HCN1: variants seen among roughly 807,000 people sequenced by gnomAD.
HCN1 encodes the protein potassium/sodium hyperpolarization-activated cyclic nucleotide-gated channel 1.
Under a neutral mutation model 78.9 loss-of-function variants are expected in HCN1, and 13 were observed. The ratio of observed to expected loss-of-function variants is 0.16; its 90% CI spans 0.11 to 0.26. The LOEUF (loss-of-function observed/expected upper bound fraction) is 0.26, where lower values mean the gene tolerates loss of function less well. Ranked by LOEUF, HCN1 falls within the 10% of genes least tolerant of loss-of-function variation. HCN1 has a pLI of 1.00. For missense variants in HCN1, 810 were observed against 1,154.3 expected, an observed-to-expected ratio of 0.70 and a Z score of 4.32; for synonymous variants, 552 against 455.5, an observed-to-expected ratio of 1.21 and a Z score of -2.70.
At chr5:45,499,254 GGCCCCTCCAA>G (rs1742134597) in intron 2 of HCN1, among the ~76,000 whole-genome samples, 1 of 152,152 alleles carries the variant, frequency 6.6e-6, no homozygotes, top group Admixed American at 6.5e-5. Context: ...CATGCACGTA[GGCCCCTCCAA>G]GCCACGTGCA....
At chr5:45,358,308 G>T (rs1747043725) in intron 4 of HCN1, among the ~76,000 whole-genome samples, 1 of 152,036 alleles carries the variant, frequency 6.6e-6, no homozygotes, top group Non-Finnish European at 1.5e-5. Flanking sequence ...GCAATCTAAA[G>T]AATTTTAAAT....
intron 1 of HCN1, among the ~76,000 whole-genome samples, chr5:45,682,866 T>C (rs1170363744): frequency 6.6e-6 from 1 of 152,164 alleles, no homozygotes; most frequent in African/African-American, 2.4e-5. Flanking sequence ...TGTGCTATTA[T>C]GAAAAATACC....
At chr5:45,372,884 C>A (rs902876781) in intron 4 of HCN1, among the ~76,000 whole-genome samples, 1 of 141,834 alleles carries the variant, frequency 7.1e-6, no homozygotes, top group African/African-American at 2.5e-5. Context: ...GTATTCTATA[C>A]ACAAAAATAT....
At chr5:45,523,816 T>C (rs908265185) in intron 2 of HCN1, among the ~76,000 whole-genome samples, 1 of 152,184 alleles carries the variant, frequency 6.6e-6, no homozygotes, top group African/African-American at 2.4e-5. Context: ...AGGTTGCCTG[T>C]TCACTCTGAT....
At chr5:45,444,434 A>G (rs1475678130) in intron 3 of HCN1, among the ~76,000 whole-genome samples, 1 of 152,158 alleles carries the variant, frequency 6.6e-6, no homozygotes, top group Non-Finnish European at 1.5e-5. Context: ...TATTTTTAAT[A>G]AAAATATTAT....
chr5:45,285,382 T>C (rs1316366928), intron 6 of HCN1, among the ~76,000 whole-genome samples: 1 of 151,984 alleles, frequency 6.6e-6, no homozygotes, highest in African/African-American at 2.4e-5. Flanking sequence ...TCTGCGGCCT[T>C]TTCTCATTTT....
At chr5:45,484,782 T>C (rs543714473) in intron 2 of HCN1, among the ~76,000 whole-genome samples, 1 of 152,320 alleles carries the variant, frequency 6.6e-6, no homozygotes, top group East Asian at 1.9e-4. Context: ...ATTAAGTTAT[T>C]AATTTTAAAA....
At chr5:45,375,950 A>C (rs1218989823) in intron 4 of HCN1, among the ~76,000 whole-genome samples, 1 of 119,116 alleles carries the variant, frequency 8.4e-6, no homozygotes, top group African/African-American at 3.5e-5. Context: ...TATCACATAT[A>C]TTATATATGA....
rs535738152 is a variant in HCN1, at chr5:45,521,211, G to A, written c.850-59204C>T. Among the ~76,000 whole-genome samples the A allele has an allele frequency of 6.3e-4, 95 of 151,976 alleles. No individual in the cohort carries two copies. The South Asian group carries it at 7.1e-3, about 11-fold the overall frequency. On this transcript the variant is annotated intron_variant, in intron 2 of 7. Coordinates refer to ENST00000303230, the MANE Select transcript of HCN1 (RefSeq NM_021072.4). ...AACCAACCCTCTTTGCAAAGAGGGA[G>A]CCAAGAAAACAAAGGCTCTGAACTC...
chr5:45,590,519 T>C (rs1326777614), intron 2 of HCN1, among the ~76,000 whole-genome samples: 1 of 152,196 alleles, frequency 6.6e-6, no homozygotes, highest in African/African-American at 2.4e-5. Flanking sequence ...CCAAAGTCCA[T>C]GGTTTACATT....
chr5:45,454,856 C>T (rs1335299173), intron 3 of HCN1, among the ~76,000 whole-genome samples: 2 of 152,048 alleles, frequency 1.3e-5, no homozygotes, highest in African/African-American at 4.8e-5. Context: ...GAATAATTCT[C>T]ATTGCTTTTT....
intron 6 of HCN1, among the ~76,000 whole-genome samples, chr5:45,299,630 G>T (rs1349734605): frequency 6.6e-6 from 1 of 151,722 alleles, no homozygotes; most frequent in Non-Finnish European, 1.5e-5. Context: ...TGAACTGAAT[G>T]ATTACTCCTA....
chr5:45,270,585 T>G (rs912816166), intron 6 of HCN1, among the ~76,000 whole-genome samples: 3 of 152,148 alleles, frequency 2.0e-5, no homozygotes, highest in Admixed American at 2.0e-4. Context: ...AAATACAAAT[T>G]CATGCATCAG....
chr5:45,489,484 A>G (rs1389074785), intron 2 of HCN1, among the ~76,000 whole-genome samples: 1 of 152,160 alleles, frequency 6.6e-6, no homozygotes, highest in Admixed American at 6.6e-5. Flanking sequence ...CACAAGAACC[A>G]TGGCTGGAGT....
At chr5:45,649,914 T>C (rs1019393634) in intron 1 of HCN1, among the ~76,000 whole-genome samples, 2 of 152,102 alleles carry the variant, frequency 1.3e-5, no homozygotes, top group Admixed American at 6.6e-5. Context: ...ATTTTACTTA[T>C]TAAGGGTTTT....
rs1580035818 is a variant in HCN1, at chr5:45,667,182, T to G, written c.426-21574A>C. On this transcript the variant is annotated intron_variant, in intron 1 of 7. Transcript: ENST00000303230. ...CACATAGGGACACAGTAAGAATGAT[T>G]GTGGGCATACTTTCAACTATCAGGA... Among the ~76,000 whole-genome samples the G allele has an allele frequency of 2.0e-5, 3 of 151,996 alleles. No individual in the cohort carries two copies. The South Asian group carries it at 6.2e-4, about 32-fold the overall frequency.
At chr5:45,265,328 T>C (rs1744835474) in intron 7 of HCN1, among the ~76,000 whole-genome samples, 2 of 152,214 alleles carry the variant, frequency 1.3e-5, no homozygotes, top group African/African-American at 4.8e-5. Context: ...AACTCATTGC[T>C]TAGAAATTAG....
chr5:45,564,756 A>T (rs576148075), intron 2 of HCN1, among the ~76,000 whole-genome samples: 5 of 152,288 alleles, frequency 3.3e-5, no homozygotes, highest in African/African-American at 9.6e-5. Flanking sequence ...AAGGAACATG[A>T]GATGATAAAA....
intron 2 of HCN1, among the ~76,000 whole-genome samples, chr5:45,540,216 C>CA (rs1458718216): frequency 2.0e-5 from 3 of 151,794 alleles, no homozygotes; most frequent in Non-Finnish European, 4.4e-5. Flanking sequence ...AATATAACTA[C>CA]AAAAAATGTA....
Sources: allele counts gnomAD v4.1 joint callset (sites outside exome capture counted in the v4.1 genomes callset), GRCh38; gene constraint gnomAD v4.1.1; transcripts MANE v1.5; gene names NCBI Gene and HGNC (gene_info 2026-07-23, HGNC 2026-07-21).